Variants in SESN1 observed in about 807,000 individuals in gnomAD.
SESN1 encodes the protein sestrin 1.
SESN1 carries 30 observed loss-of-function variants against 59.3 expected under a neutral mutation model. The observed-to-expected ratio is 0.51, with a 90% CI of 0.38 to 0.69. The LOEUF is 0.69. Ranked by LOEUF, SESN1 falls within the 30% of genes least tolerant of loss-of-function variation. The pLI, the probability that SESN1 is intolerant of heterozygous loss-of-function variation, is 0.00. For synonymous variants in SESN1, 197 were observed against 219.9 expected, an observed-to-expected ratio of 0.90 and a Z score of 0.92; for missense variants, 566 against 673.0, an observed-to-expected ratio of 0.84 and a Z score of 1.76.
chr6:109,013,596 T>C lies in SESN1; in HGVS notation c.280-11253A>G, dbSNP rs555234321. On this transcript the variant is annotated intron_variant, in intron 1 of 9. Coordinates refer to ENST00000436639, the MANE Select transcript of SESN1 (RefSeq NM_014454.3). The stretch of plus-strand genomic sequence containing the variant: ...AGGTTAAAAGGCATAATCATACTTT[T>C]ATGGACCACATGTTAAACCCTGTAC... Among the ~76,000 whole-genome samples the C allele has an allele frequency of 2.6e-5, 4 of 152,368 alleles. No homozygotes were observed. The South Asian group carries it at 8.3e-4, about 32-fold the overall frequency.
chr6:109,033,005 T>TAATC (rs1332400827), intron 1 of SESN1, among the ~76,000 whole-genome samples: 1 of 152,158 alleles, frequency 6.6e-6, no homozygotes, highest in Non-Finnish European at 1.5e-5. Context: ...AGGAACCTTA[T>TAATC]AATCCAATTT....
At chr6:108,999,759 C>T (rs1350518754) in intron 4 of SESN1, among the ~76,000 whole-genome samples, 4 of 152,102 alleles carry the variant, frequency 2.6e-5, no homozygotes, top group Non-Finnish European at 5.9e-5. Context: ...ATCCACAAAT[C>T]GCACACCTAA....
chr6:109,075,444 T>C (rs545768049), intron 1 of SESN1, among the ~76,000 whole-genome samples: 1 of 152,204 alleles, frequency 6.6e-6, no homozygotes, highest in Non-Finnish European at 1.5e-5. Context: ...GATTTCTGTC[T>C]TGCTGGCACT....
chr6:109,010,577 T>G (rs2114345994), intron 1 of SESN1, among the ~76,000 whole-genome samples: 1 of 152,364 alleles, frequency 6.6e-6, no homozygotes, highest in Middle Eastern at 3.4e-3. Flanking sequence ...CAGTGAAAAC[T>G]AAGTTACTCT....
chr6:109,039,232 G>A (rs1480904850), intron 1 of SESN1, among the ~76,000 whole-genome samples: 1 of 152,090 alleles, frequency 6.6e-6, no homozygotes, highest in East Asian at 1.9e-4. Context: ...ATAGAGGGTA[G>A]GGAAGACCAT....
chr6:109,068,127 G>A (rs1397699426), intron 1 of SESN1, among the ~76,000 whole-genome samples: 1 of 152,140 alleles, frequency 6.6e-6, no homozygotes, highest in Non-Finnish European at 1.5e-5. Flanking sequence ...ACTTCCAGAT[G>A]TCACTAGTTC....
chr6:109,069,146 G>A (rs1302873483), intron 1 of SESN1, among the ~76,000 whole-genome samples: 1 of 151,988 alleles, frequency 6.6e-6, no homozygotes, highest in Non-Finnish European at 1.5e-5. Flanking sequence ...TTGAGCAAAA[G>A]GAGAGAAAAA....
At chr6:109,051,822 A>G (rs1000166896) in intron 1 of SESN1, among the ~76,000 whole-genome samples, 1 of 152,190 alleles carries the variant, frequency 6.6e-6, no homozygotes, top group Non-Finnish European at 1.5e-5. Context: ...CCTTCTTGCT[A>G]TCTCCTTACA....
chr6:109,061,088 TCA>T (rs571365460), intron 1 of SESN1, among the ~76,000 whole-genome samples: 1 of 152,176 alleles, frequency 6.6e-6, no homozygotes, highest in Non-Finnish European at 1.5e-5. Flanking sequence ...TTGAAATATC[TCA>T]CACATATTAT....
chr6:109,036,549 T>A (rs560877209), intron 1 of SESN1, among the ~76,000 whole-genome samples: 3 of 152,340 alleles, frequency 2.0e-5, no homozygotes, highest in Admixed American at 6.5e-5. Flanking sequence ...TGAGGGAAAG[T>A]GTATTTATCA....
chr6:109,021,210 A>C (rs1201719420), intron 1 of SESN1, among the ~76,000 whole-genome samples: 1 of 152,076 alleles, frequency 6.6e-6, no homozygotes, highest in Admixed American at 6.6e-5. Context: ...CCCAGGCTAC[A>C]TGGACTCAAG....
At position 108,984,376 on chromosome 6, in the gene SESN1, T is replaced by G. The variant is rs1176338678; in HGVS notation, c.*3168A>C. ...GCTGGGAAGTCCGATATCAAGGATT[T>G]AGTGCCTAGTGAGTGTTTTCTTCCT... On this transcript the variant is annotated 3_prime_UTR_variant, in exon 10 of 10. Transcript: ENST00000436639. Among the ~76,000 whole-genome samples, 1 of 152,210 alleles carries G rather than the reference T, an allele frequency of 6.6e-6. No individual in the cohort carries two copies. The highest frequency in any genetic ancestry group is 1.5e-5 in the Non-Finnish European group (1 of 68,046).
rs750161025 is a variant in SESN1, at chr6:108,990,656, C to G, written c.1413G>C (p.Met471Ile). ...GAAAGAAGACTAACCTTATTCCAAA[C>G]ATGCAGTGAATATAGTTCCAAATTG... Reference protein sequence around the residue: ...RRAIWNYIHCMFGIRYDDYDY... With the variant: ...RRAIWNYIHCIFGIRYDDYDY... The change falls in exon 8 of 10, where the codon ATG becomes ATC. Residue 471 changes from methionine (M) to isoleucine (I), a missense_variant. Met to Ile is a conservative substitution (Grantham distance 10). Transcript: ENST00000436639. 6.2e-7 allele frequency: 1 copy of G among 1,613,954 alleles called. No homozygotes were observed.
intron 1 of SESN1, among the ~76,000 whole-genome samples, chr6:109,020,766 C>T (rs1779998863): frequency 6.6e-6 from 1 of 152,190 alleles, no homozygotes; most frequent in African/African-American, 2.4e-5. Flanking sequence ...GACACAAAAA[C>T]ACTGTGAAAC....
chr6:109,005,405 A>G lies in SESN1; in HGVS notation c.280-3062T>C, dbSNP rs762567234. Among the ~76,000 whole-genome samples, 19 of 152,352 alleles carry G rather than the reference A, an allele frequency of 1.2e-4. 1 individual carries two copies. Among genetic ancestry groups the G allele is most frequent in the Non-Finnish European group, 1.8e-4 (12 of 68,032 alleles). ...TTCAATTTCTAGGCCTTTATCTTAC[A>G]AATACATTAGCATCATGAAAGGTAG... On this transcript the variant is annotated intron_variant, in intron 1 of 9. Transcript: ENST00000436639.
At chr6:109,025,092 G>T (rs949502034) in intron 1 of SESN1, among the ~76,000 whole-genome samples, 3 of 152,092 alleles carry the variant, frequency 2.0e-5, no homozygotes, top group Admixed American at 1.3e-4. Flanking sequence ...GGGAAATTGG[G>T]AGGTAGATCA....
At position 109,001,430 on chromosome 6, in the gene SESN1, G is replaced by A. The variant is rs749478685; in HGVS notation, c.404C>T (p.Ala135Val). ...AATGTTATCCAAACGGCCCAAAGCAGCAAAAGAATCTGCAAATAAAGCATG... is the reference window on the plus strand; with the variant it reads ...AATGTTATCCAAACGGCCCAAAGCAACAAAAGAATCTGCAAATAAAGCATG... The part of the protein sequence containing the change: ...QMHALFADSF[A>V]ALGRLDNITL... Residue 135 changes from alanine (A) to valine (V), a missense_variant, in exon 3 of 10, where the codon GCT becomes GTT. Coordinates refer to ENST00000436639, the MANE Select transcript of SESN1 (RefSeq NM_014454.3). The A allele has an allele frequency of 8.7e-6, 14 of 1,613,786 alleles. No individual in the cohort carries two copies. Among genetic ancestry groups the A allele is most frequent in the Non-Finnish European group, 1.2e-5 (14 of 1,179,782 alleles).
chr6:109,087,853 T>C (rs553701149), intron 1 of SESN1, among the ~76,000 whole-genome samples: 1 of 152,182 alleles, frequency 6.6e-6, no homozygotes, highest in Non-Finnish European at 1.5e-5. Context: ...TGATATATTA[T>C]CTAGTTAGAT....
chr6:109,079,984 A>G (rs1190805471), intron 1 of SESN1, among the ~76,000 whole-genome samples: 2 of 152,212 alleles, frequency 1.3e-5, no homozygotes, highest in Non-Finnish European at 2.9e-5. Flanking sequence ...AACTTGCTGT[A>G]TGATATGTAA....
Sources: allele counts gnomAD v4.1 joint callset (sites outside exome capture counted in the v4.1 genomes callset), GRCh38; gene constraint gnomAD v4.1.1; transcripts MANE v1.5; gene names NCBI Gene and HGNC (gene_info 2026-07-23, HGNC 2026-07-21).